Variants in CERT1 observed in about 807,000 individuals in gnomAD.
CERT1 encodes the protein ceramide transfer protein.
CERT1 carries 31 observed loss-of-function variants against 87.9 expected under a neutral mutation model. That is an observed-to-expected ratio of 0.35 (90% CI 0.27 to 0.48). The LOEUF (loss-of-function observed/expected upper bound fraction) is 0.48, where lower values mean the gene tolerates loss of function less well. Ranked by LOEUF, CERT1 falls within the 20% of genes least tolerant of loss-of-function variation. The pLI is 0.99. For synonymous variants in CERT1, 289 were observed against 250.9 expected (o/e 1.15, Z -1.44); for missense variants, 487 against 758.0 (o/e 0.64, Z 4.20).
chr5:75,434,299 CATTT>C (rs1395868755), intron 3 of CERT1, among the ~76,000 whole-genome samples: 1 of 150,354 alleles, frequency 6.7e-6, no homozygotes, highest in Non-Finnish European at 1.5e-5. Context: ...TGATGAATCA[CATTT>C]ATTGATTTGC....
At chr5:75,491,234 G>A (rs143198260) in intron 2 of CERT1, among the ~76,000 whole-genome samples, 1 of 152,128 alleles carries the variant, frequency 6.6e-6, no homozygotes, top group Non-Finnish European at 1.5e-5. Context: ...ATACCTCAGT[G>A]GAGTTTTGCT....
At chr5:75,400,088 C>T (rs573789566) in intron 10 of CERT1, 117 bp downstream of exon 10, 152 of 717,578 alleles carry the variant, frequency 2.1e-4, no homozygotes, top group Non-Finnish European at 2.4e-4. Context: ...GCCGAGATCG[C>T]GCCACTGCAC....
At chr5:75,374,717 G>C (rs1263955752), downstream of CERT1, 2 of 594,700 alleles carry the variant, frequency 3.4e-6, no homozygotes, top group African/African-American at 3.7e-5. Flanking sequence ...AAAGTAGTCA[G>C]GAATCGATCT....
chr5:75,435,422 A>G (rs1764051852), intron 3 of CERT1, among the ~76,000 whole-genome samples: 1 of 152,118 alleles, frequency 6.6e-6, no homozygotes, highest in African/African-American at 2.4e-5. Flanking sequence ...TTCTGTAGCT[A>G]TCATTTTAGC....
intron 2 of CERT1, among the ~76,000 whole-genome samples, chr5:75,476,611 A>T (rs1178554426): frequency 6.6e-6 from 1 of 152,138 alleles, no homozygotes; most frequent in Non-Finnish European, 1.5e-5. Context: ...ACTCCCACCT[A>T]TTCACACATG....
chr5:75,396,333 G>C (rs532349513), intron 11 of CERT1, among the ~76,000 whole-genome samples: 1 of 152,048 alleles, frequency 6.6e-6, no homozygotes, highest in Admixed American at 6.6e-5. Context: ...TAAAAATGTC[G>C]ACTTAGTTTT....
At chr5:75,479,694 G>A (rs1766138027) in intron 2 of CERT1, among the ~76,000 whole-genome samples, 1 of 152,064 alleles carries the variant, frequency 6.6e-6, no homozygotes, top group Non-Finnish European at 1.5e-5. Context: ...TGTCACTGAT[G>A]GACATTTAGG....
chr5:75,511,591 T>A lies in CERT1; in HGVS notation c.-384A>T. 6.8e-7 allele frequency: 1 copy of A among 1,465,340 alleles called. No individual in the cohort carries two copies. The highest frequency in any genetic ancestry group is 9.0e-7 in the Non-Finnish European group (1 of 1,108,810). 90.8% of individuals were successfully genotyped at this position (1,465,340 alleles called of 1,614,324 possible). On this transcript the variant is annotated 5_prime_UTR_variant, in exon 1 of 17. Transcript: ENST00000643780. ...GCTGAGTCCCGCGTCCACTCACACC[T>A]CCGCTACCGCCGCCATCTTCCTGCC...
chr5:75,398,771 G>A (rs925333007), intron 11 of CERT1, among the ~76,000 whole-genome samples: 8 of 152,106 alleles, frequency 5.3e-5, no homozygotes, highest in Non-Finnish European at 8.8e-5. Context: ...CATAGATTTA[G>A]CATATGAACA....
chr5:75,385,743 T>C (rs1450798000), intron 13 of CERT1, among the ~76,000 whole-genome samples, 159 bp downstream of exon 13: 2 of 152,258 alleles, frequency 1.3e-5, no homozygotes, highest in East Asian at 1.9e-4. Flanking sequence ...TTTCATACAC[T>C]GAAAAGCTCT....
chr5:75,437,264 A>C (rs1764135930), intron 3 of CERT1, among the ~76,000 whole-genome samples: 1 of 152,212 alleles, frequency 6.6e-6, no homozygotes, highest in African/African-American at 2.4e-5. Context: ...TATTTCTTCA[A>C]GTTCCACTAT....
In CERT1 at chr5:75,493,569, T is replaced by C. The variant is rs573665809; in HGVS notation, c.231+12413A>G. ...TTTGAATCCTTAACCTTTGTTGTTA[T>C]GTTTTTTCTCTCTGGAAGCATCCAA... On this transcript the variant is annotated intron_variant, in intron 2 of 16. Coordinates refer to ENST00000643780, the MANE Select transcript of CERT1 (RefSeq NM_001379029.1). 7.9e-5 allele frequency among the ~76,000 whole-genome samples: 12 copies of C among 152,368 alleles called. No homozygotes were observed. In the East Asian group the frequency reaches 2.1e-3, roughly 27 times the overall value.
chr5:75,460,627 A>C (rs1302647629), intron 2 of CERT1, among the ~76,000 whole-genome samples: 1 of 152,218 alleles, frequency 6.6e-6, no homozygotes, highest in Non-Finnish European at 1.5e-5. Context: ...AAAGATTCTT[A>C]ACCTTGGAGG....
downstream of CERT1, chr5:75,372,834 C>T (rs943448000): frequency 6.6e-6 from 1 of 152,160 alleles, no homozygotes; most frequent in Non-Finnish European, 1.5e-5. Flanking sequence ...TTCCGCTTTA[C>T]AAAATGGGTC....
intron 3 of CERT1, among the ~76,000 whole-genome samples, chr5:75,456,984 A>G (rs1765012803): frequency 6.6e-6 from 1 of 152,234 alleles, no homozygotes; most frequent in Non-Finnish European, 1.5e-5. Context: ...ATTAAAACAG[A>G]AAAAAACTTG....
chr5:75,510,484 G>C (rs1461671383), intron 1 of CERT1, among the ~76,000 whole-genome samples: 1 of 152,126 alleles, frequency 6.6e-6, no homozygotes, highest in Non-Finnish European at 1.5e-5. Flanking sequence ...CTAAAGATCA[G>C]TCTCCATTCT....
intron 3 of CERT1, among the ~76,000 whole-genome samples, chr5:75,453,278 G>A (rs1764834415): frequency 6.6e-6 from 1 of 152,082 alleles, no homozygotes; most frequent in Non-Finnish European, 1.5e-5. Context: ...CATAAAATCT[G>A]TTTTACAATA....
Position 75,498,503 on chromosome 5 carries a change from C to T in CERT1, c.231+7479G>A, listed in dbSNP as rs563965285. On this transcript the variant is annotated intron_variant, in intron 2 of 16. Coordinates refer to ENST00000643780, the MANE Select transcript of CERT1 (RefSeq NM_001379029.1). The stretch of plus-strand genomic sequence containing the variant: ...CCCTGTGTCTCAGCTGCTTCAGCTC[C>T]AGCTGTGGCTAAAAGGGGTCAAGGC... Among the ~76,000 whole-genome samples the T allele has an allele frequency of 9.1e-4, 139 of 152,322 alleles. 1 individual carries two copies. Among genetic ancestry groups the T allele is most frequent in the African/African-American group, 3.3e-3 (136 of 41,594 alleles).
chr5:75,493,204 T>A (rs1263875561), intron 2 of CERT1, among the ~76,000 whole-genome samples: 1 of 152,224 alleles, frequency 6.6e-6, no homozygotes, highest in African/African-American at 2.4e-5. Context: ...CCTCTTACCA[T>A]CATTTGCCTT....
Sources: allele counts gnomAD v4.1 joint callset (sites outside exome capture counted in the v4.1 genomes callset), GRCh38; gene constraint gnomAD v4.1.1; transcripts MANE v1.5; gene names NCBI Gene and HGNC (gene_info 2026-07-23, HGNC 2026-07-21).